The following TXNDC16 variants were observed in gnomAD, a reference collection of about 807,000 sequenced individuals.
The protein encoded by TXNDC16 is thioredoxin domain containing 16, also known as thioredoxin domain-containing protein 16.
In TXNDC16, 74 loss-of-function variants were observed where a neutral mutation model predicts 85.6. The observed-to-expected ratio is 0.86, with a 90% CI of 0.72 to 1.05. The LOEUF (loss-of-function observed/expected upper bound fraction) is 1.05. Ranked by LOEUF, TXNDC16 falls within the 50% of genes least tolerant of loss-of-function variation. The pLI, the probability that TXNDC16 is intolerant of heterozygous loss-of-function variation, is 0.00. For synonymous variants in TXNDC16, 335 were observed against 326.5 expected, an observed-to-expected ratio of 1.03 and a Z score of -0.28; for missense variants, 959 against 947.0, an observed-to-expected ratio of 1.01 and a Z score of -0.17.
At chr14:52,515,687 G>A (rs1036856629) in intron 7 of TXNDC16, among the ~76,000 whole-genome samples, 10 of 151,286 alleles carry the variant, frequency 6.6e-5, no homozygotes, top group Admixed American at 1.3e-4. Context: ...GTGTGTGTGT[G>A]TGTGTGTGTG....
chr14:52,523,357 A>G (rs2037255753), intron 6 of TXNDC16, among the ~76,000 whole-genome samples: 1 of 152,212 alleles, frequency 6.6e-6, no homozygotes, highest in Non-Finnish European at 1.5e-5. Flanking sequence ...GAAAAACAAC[A>G]AAGGGTCTAC....
chr14:52,462,643 T>A (rs962377285), intron 16 of TXNDC16, among the ~76,000 whole-genome samples: 4 of 152,202 alleles, frequency 2.6e-5, no homozygotes, highest in Non-Finnish European at 5.9e-5. Context: ...GGCTACCTGT[T>A]ATAAAGGGTC....
At chr14:52,509,020 C>T (rs918188603) in intron 9 of TXNDC16, among the ~76,000 whole-genome samples, 335 of 151,436 alleles carry the variant, frequency 2.2e-3, no homozygotes, top group African/African-American at 7.8e-3. Context: ...CAAACCTGCA[C>T]GTTGTGCACA....
chr14:52,440,730 A>C lies in TXNDC16; in HGVS notation c.1843-6T>G. ...TTTTCCACAGTGATTTCCGGCTGTC[A>C]AAGAAAAGGAATAACAACAATAAAA... is the stretch of plus-strand genomic sequence containing the variant. On this transcript the variant is annotated splice_region_variant and splice_polypyrimidine_tract_variant and intron_variant, in intron 18 of 20. Coordinates refer to ENST00000281741, the MANE Select transcript of TXNDC16 (RefSeq NM_020784.3). The C allele has an allele frequency of 6.2e-7, 1 of 1,603,200 alleles. No homozygotes were observed. Among genetic ancestry groups the C allele is most frequent in the East Asian group, 2.3e-5 (1 of 43,980 alleles).
intron 9 of TXNDC16, among the ~76,000 whole-genome samples, chr14:52,491,868 A>C (rs1188724164): frequency 6.6e-6 from 1 of 152,220 alleles, no homozygotes; most frequent in Non-Finnish European, 1.5e-5. Context: ...TAGAAGTCAG[A>C]ATAATAACTG....
chr14:52,519,050 A>C, intron 7 of TXNDC16, 122 bp downstream of exon 7: 1 of 1,040,500 alleles, frequency 9.6e-7, no homozygotes. Context: ...GCTTAATAGT[A>C]AAGATGCTTT....
intron 6 of TXNDC16, among the ~76,000 whole-genome samples, chr14:52,522,891 T>TA (rs2037241831): frequency 6.6e-6 from 1 of 152,194 alleles, no homozygotes; most frequent in Admixed American, 6.5e-5. Context: ...GAACTATCAT[T>TA]AACCCCATTT....
chr14:52,524,121 C>T (rs907108630), intron 6 of TXNDC16, among the ~76,000 whole-genome samples: 18 of 152,184 alleles, frequency 1.2e-4, no homozygotes, highest in African/African-American at 3.9e-4. Flanking sequence ...TCGCTCAATG[C>T]CTATTCAGGA....
chr14:52,541,433 A>G (rs1406113234), intron 4 of TXNDC16, among the ~76,000 whole-genome samples: 1 of 152,206 alleles, frequency 6.6e-6, no homozygotes, highest in Non-Finnish European at 1.5e-5. Context: ...TTAAAATTTT[A>G]TTCAGAGATC....
intron 9 of TXNDC16, among the ~76,000 whole-genome samples, chr14:52,495,963 T>C (rs2036521790): frequency 6.6e-6 from 1 of 151,652 alleles, no homozygotes. Context: ...ATCGAGACCA[T>C]CCTGGCTAAC....
In TXNDC16 at chr14:52,440,682, G is replaced by A; in HGVS notation, c.1885C>T (p.Gln629Ter). 1.2e-6 allele frequency: 2 copies of A among 1,608,424 alleles called. No individual in the cohort carries two copies. The highest frequency in any genetic ancestry group is 8.5e-7 in the Non-Finnish European group (1 of 1,178,604). The change falls in exon 19 of 21, where the codon CAG (glutamine) becomes TAG (stop). Residue 629 changes from glutamine to a stop codon, truncating the protein, a stop_gained. Coordinates refer to ENST00000281741, the MANE Select transcript of TXNDC16 (RefSeq NM_020784.3). LOFTEE classifies it high-confidence loss of function. ...VENLPSYFRL[Q>*]KPLLILFSDG... ...CTGAACAAAATCAATAATGGTTTCT[G>A]AAGTCTGAAATAACTGGGAAGATTT...
At chr14:52,505,682 A>G (rs2140174483) in intron 9 of TXNDC16, among the ~76,000 whole-genome samples, 1 of 152,344 alleles carries the variant, frequency 6.6e-6, no homozygotes, top group Admixed American at 6.5e-5. Context: ...AAACACATTC[A>G]AAAGCTACCA....
intron 9 of TXNDC16, among the ~76,000 whole-genome samples, chr14:52,503,397 G>C (rs1386810284): frequency 1.3e-5 from 2 of 152,236 alleles, no homozygotes; most frequent in Non-Finnish European, 2.9e-5. Flanking sequence ...CAATCAGGCA[G>C]CAACATTTGC....
intron 9 of TXNDC16, among the ~76,000 whole-genome samples, chr14:52,502,035 C>G (rs1336805355): frequency 6.6e-6 from 1 of 152,122 alleles, no homozygotes; most frequent in Non-Finnish European, 1.5e-5. Flanking sequence ...TATGAAAGTC[C>G]ACGAATCTGT....
chr14:52,532,191 T>G (rs527310893), intron 6 of TXNDC16, among the ~76,000 whole-genome samples: 155 of 152,108 alleles, frequency 1.0e-3, no homozygotes, highest in African/African-American at 3.5e-3. Context: ...TAAGGAGAGC[T>G]CCTAGAAATT....
chr14:52,536,223 TTCA>T (rs2140221627), intron 6 of TXNDC16, among the ~76,000 whole-genome samples: 1 of 151,396 alleles, frequency 6.6e-6, no homozygotes, highest in South Asian at 2.1e-4. Context: ...CTTTATCCCT[TTCA>T]TCATGTGAGG....
At chr14:52,537,715 G>T in intron 4 of TXNDC16, 43 bp from the exon 5 acceptor site, 1 of 1,176,290 alleles carries the variant, frequency 8.5e-7, no homozygotes, top group Non-Finnish European at 1.2e-6. Context: ...ATATCAAAAG[G>T]TCAAGTTTCT....
chr14:52,496,694 T>A (rs984259556), intron 9 of TXNDC16, among the ~76,000 whole-genome samples: 6 of 151,364 alleles, frequency 4.0e-5, no homozygotes, highest in African/African-American at 1.5e-4. Flanking sequence ...CAGCCTTGAC[T>A]TCCCCAGGCT....
At chr14:52,551,450 G>T (rs2038044321) in intron 1 of TXNDC16, among the ~76,000 whole-genome samples, 1 of 145,174 alleles carries the variant, frequency 6.9e-6, no homozygotes, top group Non-Finnish European at 1.5e-5. Flanking sequence ...CTGGGCGACA[G>T]AGCGAGACCC....
Sources: gnomAD v4.1 joint callset for allele counts (sites outside exome capture counted in the v4.1 genomes callset) on GRCh38, gnomAD v4.1.1 for gene constraint, MANE v1.5 for transcripts, NCBI Gene and HGNC (gene_info 2026-07-23, HGNC 2026-07-21) for gene names.